Variants in GTF3C1 observed in about 807,000 individuals in gnomAD.
The protein encoded by GTF3C1 is general transcription factor IIIC subunit 1, also known as general transcription factor 3C polypeptide 1.
A neutral mutation model predicts 226.7 loss-of-function variants in GTF3C1; 57 were observed. That is an observed-to-expected ratio of 0.25 (90% CI 0.20 to 0.31). GTF3C1 has a LOEUF of 0.31. Among genes scored for constraint, GTF3C1 ranks in the 10% least tolerant of loss-of-function variants. GTF3C1 has a pLI of 1.00. For synonymous variants in GTF3C1, 1,090 were observed against 1,084.8 expected (o/e 1.00, Z -0.09); for missense variants, 2,217 against 2,776.1 (o/e 0.80, Z 4.53).
chr16:27,546,007 C>G (rs2089156548), intron 1 of GTF3C1, among the ~76,000 whole-genome samples: 2 of 152,100 alleles, frequency 1.3e-5, no homozygotes, highest in Non-Finnish European at 2.9e-5. Context: ...TGCCACCACG[C>G]CCGGCTAATT....
chr16:27,510,094 TA>T (rs1365078826), intron 7 of GTF3C1, among the ~76,000 whole-genome samples: 2 of 151,586 alleles, frequency 1.3e-5, no homozygotes, highest in Non-Finnish European at 2.9e-5. Context: ...ACTAAAGAAA[TA>T]GAAAATTAGT....
intron 32 of GTF3C1, among the ~76,000 whole-genome samples, chr16:27,468,831 C>T (rs536242103): frequency 1.3e-5 from 2 of 152,182 alleles, no homozygotes; most frequent in Non-Finnish European, 2.9e-5. Context: ...GGCAGGAGAT[C>T]ATGAATGTGA....
At chr16:27,544,177 C>T (rs576436104) in intron 2 of GTF3C1, among the ~76,000 whole-genome samples, 1 of 151,954 alleles carries the variant, frequency 6.6e-6, no homozygotes, top group South Asian at 2.1e-4. Context: ...TTGCTTGAGC[C>T]CAGAAGTTTG....
At chr16:27,482,699 C>G in intron 26 of GTF3C1, 1 of 446,982 alleles carries the variant, frequency 2.2e-6, no homozygotes, top group Non-Finnish European at 4.5e-6. Flanking sequence ...CTTGGCCCCT[C>G]TGGACAGAAA....
In GTF3C1 at chr16:27,462,872, C is replaced by A; in HGVS notation, c.5925-386G>T. The A allele has an allele frequency of 4.4e-6, 1 of 228,390 alleles. No homozygotes were observed. Among genetic ancestry groups the A allele is most frequent in the East Asian group, 9.5e-5 (1 of 10,496 alleles). 14.1% of individuals were successfully genotyped at this position (228,390 alleles called of 1,614,324 possible). On this transcript the variant is annotated intron_variant, in intron 35 of 36. Transcript: ENST00000356183. The surrounding 1 kb of genome is among the most constrained non-coding windows in gnomAD (Gnocchi z 4.5). ...GTGACCCTGAAGCTCTGCTCCACGC[C>A]ATGTGCAGAGTTCCAGGCACACTTT...
Position 27,494,925 on chromosome 16 carries a change from C to T in GTF3C1, c.2633-17G>A, listed in dbSNP as rs143358012. 1.1e-3 allele frequency: 1,772 copies of T among 1,608,090 alleles called. 2 individuals carry two copies. The highest frequency in any genetic ancestry group is 2.1e-3 in the Middle Eastern group (12 of 5,748). ...CGACATACACTAGGAAAAAAACGCACGGTTACCCCCGGCAGCCAGGATACC... is the reference window on the plus strand; with the variant it reads ...CGACATACACTAGGAAAAAAACGCATGGTTACCCCCGGCAGCCAGGATACC... On this transcript the variant is annotated splice_polypyrimidine_tract_variant and intron_variant, in intron 15 of 36. Transcript: ENST00000356183.
At chr16:27,529,680 G>A (rs1751538540) in intron 5 of GTF3C1, among the ~76,000 whole-genome samples, 1 of 152,136 alleles carries the variant, frequency 6.6e-6, no homozygotes, top group South Asian at 2.1e-4. Context: ...AAAAGTGAGT[G>A]ATTTCACATT....
At chr16:27,488,995 G>T (rs199731031) in intron 21 of GTF3C1, 48 bp downstream of exon 21, 63 of 1,570,840 alleles carry the variant, frequency 4.0e-5, no homozygotes, top group Admixed American at 1.5e-4. Context: ...ACAGGAGGGT[G>T]AGTAGCGAGG....
rs777688038 is a variant in GTF3C1, at chr16:27,505,974, G to C, written c.1695C>G (p.Ser565=). 3.1e-6 allele frequency: 5 copies of C among 1,613,420 alleles called. No homozygotes were observed. Among genetic ancestry groups the C allele is most frequent in the Non-Finnish European group, 4.2e-6 (5 of 1,179,396 alleles). ...DTSSVSEPNV[S]FVSHCADSNS... is the part of the protein sequence containing the mutation. ...TGCTGTCCGCACAGTGGGAGACAAA[G>C]GACACGTTGGGTTCTGAGACGCTGC... The change falls in exon 10 of 37, where the codon TCC becomes TCG. Residue 565 remains serine (S), a synonymous_variant. Coordinates refer to ENST00000356183, the MANE Select transcript of GTF3C1 (RefSeq NM_001520.4).
Position 27,464,645 on chromosome 16 carries a change from C to T in GTF3C1, c.5547G>A (p.Gly1849=). The change falls in exon 34 of 37, where the codon GGG becomes GGA. Residue 1849 remains glycine, a synonymous_variant. Transcript: ENST00000356183. ...GSSSEDSPPE[G]QAPPSHSPRG... is the part of the protein sequence containing the mutation. ...GGGGGCTGTGAGAAGGAGGTGCCTG[C>T]CCCTCGGGGGGGCTGTCCTCACTGG... 1 of 1,517,648 alleles carries T rather than the reference C, an allele frequency of 6.6e-7. No individual in the cohort carries two copies. The highest frequency in any genetic ancestry group is 8.8e-7 in the Non-Finnish European group (1 of 1,135,510). The allele number at this position is 1,517,648 out of a possible 1,614,324, so 94.0% of individuals were successfully genotyped here. A position where few individuals can be genotyped will look rare whatever the true frequency, so the allele number is the denominator to read the frequency against.
intron 28 of GTF3C1, among the ~76,000 whole-genome samples, chr16:27,478,187 G>T (rs1344327244): frequency 4.0e-5 from 6 of 151,574 alleles, no homozygotes; most frequent in African/African-American, 1.5e-4. Flanking sequence ...AAAAAAAAAG[G>T]AAAGAAAAAA....
chr16:27,476,049 G>A (rs1230415841), intron 29 of GTF3C1, among the ~76,000 whole-genome samples: 1 of 152,184 alleles, frequency 6.6e-6, no homozygotes, highest in East Asian at 1.9e-4. Context: ...AGTTCTATGA[G>A]ATGCTAAGCC....
At position 27,464,603 on chromosome 16, in the gene GTF3C1, G is replaced by A. The variant is rs772166492; in HGVS notation, c.5589C>T (p.Arg1863=). Residue 1863 remains arginine, a synonymous_variant, in exon 34 of 37, where the codon CGC becomes CGT. Coordinates refer to ENST00000356183, the MANE Select transcript of GTF3C1 (RefSeq NM_001520.4). ...CCCCATTCTCACTGGCCCAGCTGGC[G>A]CGCCTCTTGGTGCCCCGGGGGCTGT... ...PSHSPRGTKR[R]ASWASENGET... The A allele has an allele frequency of 5.4e-6, 8 of 1,494,644 alleles. No homozygotes were observed. The highest frequency in any genetic ancestry group is 1.8e-4 in the Middle Eastern group (1 of 5,514). The allele number at this position is 1,494,644 out of a possible 1,614,324, so 92.6% of individuals were successfully genotyped here.
chr16:27,474,565 GA>G (rs540853221), intron 29 of GTF3C1, among the ~76,000 whole-genome samples: 9 of 152,038 alleles, frequency 5.9e-5, no homozygotes, highest in Non-Finnish European at 1.2e-4. Context: ...TGCAATGTTG[GA>G]AAAAACATTT....
At position 27,492,320 on chromosome 16, in the gene GTF3C1, G is replaced by A. The variant is rs772946241; in HGVS notation, c.3151+18C>T. 2.1e-5 allele frequency: 32 copies of A among 1,502,748 alleles called. No individual in the cohort carries two copies. Among genetic ancestry groups the A allele is most frequent in the East Asian group, 4.5e-5 (2 of 44,164 alleles). 93.1% of individuals were successfully genotyped at this position (1,502,748 alleles called of 1,614,324 possible). On this transcript the variant is annotated intron_variant, in intron 19 of 36. Transcript: ENST00000356183. This position sits in a 1 kb window ranked among gnomAD's most constrained non-coding sequence, Gnocchi z 5.0. ...GGAGCAAAAGCAGCCAGGTTCAGCCGAGACAGCCGACACCCACCTAGTGGG... is the reference window on the plus strand; with the variant it reads ...GGAGCAAAAGCAGCCAGGTTCAGCCAAGACAGCCGACACCCACCTAGTGGG...
At position 27,545,409 on chromosome 16, in the gene GTF3C1, G is replaced by C; in HGVS notation, c.336C>G (p.Gly112=). The C allele has an allele frequency of 6.2e-7, 1 of 1,612,214 alleles. No homozygotes were observed. Among genetic ancestry groups the C allele is most frequent in the Non-Finnish European group, 8.5e-7 (1 of 1,178,272 alleles). ...TCCTCTCCTTAAAGTAGCGGCATGAGCCCTGGATGCCATCCTTATTCTCTA... is the reference window on the plus strand; with the variant it reads ...TCCTCTCCTTAAAGTAGCGGCATGACCCCTGGATGCCATCCTTATTCTCTA... ...MILENKDGIQ[G]SCRYFKERKN... The change falls in exon 2 of 37, where the codon GGC becomes GGG. Residue 112 remains glycine, a synonymous_variant. Coordinates refer to ENST00000356183, the MANE Select transcript of GTF3C1 (RefSeq NM_001520.4).
intron 9 of GTF3C1, 119 bp downstream of exon 9, chr16:27,506,728 C>G (rs2141403100): frequency 1.5e-6 from 1 of 645,732 alleles, no homozygotes; most frequent in East Asian, 2.8e-5. Context: ...CAGTGTCAGG[C>G]CTCTCATTAG....
chr16:27,542,867 GC>G (rs2089108578), intron 2 of GTF3C1, among the ~76,000 whole-genome samples: 1 of 152,164 alleles, frequency 6.6e-6, no homozygotes, highest in South Asian at 2.1e-4. Flanking sequence ...GAGCATCCTA[GC>G]CTGCAGCACT....
chr16:27,549,607 G>T, intron 1 of GTF3C1, 63 bp downstream of exon 1: 1 of 816,462 alleles, frequency 1.2e-6, no homozygotes, highest in Non-Finnish European at 2.0e-6. Context: ...CCTGCCCCCA[G>T]CTCCATCAGC....
Sources: allele counts gnomAD v4.1 joint callset (sites outside exome capture counted in the v4.1 genomes callset), GRCh38; gene constraint gnomAD v4.1.1; non-coding constraint Gnocchi (gnomAD v3.1); transcripts MANE v1.5; gene names NCBI Gene and HGNC (gene_info 2026-07-23, HGNC 2026-07-21).